SHISA9: variants seen among roughly 807,000 people sequenced by gnomAD.
The protein encoded by SHISA9 is protein shisa-9.
SHISA9 carries 13 observed loss-of-function variants against 38.0 expected under a neutral mutation model. The observed-to-expected ratio is 0.34, with a 90% confidence interval of 0.22 to 0.54. The LOEUF is 0.54. SHISA9 is among the 20% of genes least tolerant of loss of function. The pLI, the probability that SHISA9 is intolerant of heterozygous loss-of-function variation, is 0.91. For missense variants in SHISA9, 538 were observed against 575.8 expected (o/e 0.93, Z 0.67); for synonymous variants, 275 against 242.0 (o/e 1.14, Z -1.27).
At chr16:13,414,187 T>C in the SHISA9 span, among the ~76,000 whole-genome samples, 1 of 152,218 alleles carries the variant, frequency 6.6e-6, no homozygotes, top group East Asian at 1.9e-4. Context: ...TATCACCAGG[T>C]TCTTTTTTTA....
chr16:13,157,929 C>T (rs2050561502), intron 2 of SHISA9, among the ~76,000 whole-genome samples: 1 of 152,208 alleles, frequency 6.6e-6, no homozygotes, highest in Non-Finnish European at 1.5e-5. Context: ...TCAACACTCT[C>T]CTGCTTTGAC....
At chr16:13,172,020 A>G (rs1567234677) in intron 2 of SHISA9, among the ~76,000 whole-genome samples, 1 of 151,734 alleles carries the variant, frequency 6.6e-6, no homozygotes, top group Non-Finnish European at 1.5e-5. Context: ...ATACAAGGCA[A>G]TTTTCTTCCT....
At chr16:13,469,318 G>GAA in the SHISA9 span, among the ~76,000 whole-genome samples, 225 of 95,236 alleles carry the variant, frequency 2.4e-3, 7 homozygotes, top group African/African-American at 3.9e-3. Context: ...GAGAGAGAGA[G>GAA]AGAGAAAGAA....
the SHISA9 span, among the ~76,000 whole-genome samples, chr16:13,372,014 G>C: frequency 1.3e-5 from 2 of 152,180 alleles, no homozygotes; most frequent in Non-Finnish European, 2.9e-5. Flanking sequence ...CTCTGTTTCA[G>C]TTCCTCCAGA....
intron 2 of SHISA9, among the ~76,000 whole-genome samples, chr16:13,121,447 G>A (rs113185190): frequency 2.0e-5 from 3 of 152,114 alleles, no homozygotes; most frequent in Non-Finnish European, 4.4e-5. Flanking sequence ...AGGTATGATC[G>A]TGCCACTGTG....
the SHISA9 span, among the ~76,000 whole-genome samples, chr16:13,383,733 C>G: frequency 6.6e-6 from 1 of 152,164 alleles, no homozygotes; most frequent in East Asian, 1.9e-4. Flanking sequence ...TCACTGCAAC[C>G]TCCACCTCCC....
intron 2 of SHISA9, among the ~76,000 whole-genome samples, chr16:13,026,619 C>G (rs2072925163): frequency 6.6e-6 from 1 of 152,082 alleles, no homozygotes; most frequent in Admixed American, 6.5e-5. Context: ...TATGGTAGTT[C>G]TATGTTTAAT....
At chr16:13,288,713 C>T in the SHISA9 span, among the ~76,000 whole-genome samples, 1 of 152,090 alleles carries the variant, frequency 6.6e-6, no homozygotes, top group Non-Finnish European at 1.5e-5. Context: ...ATAGCTTGAA[C>T]CCAGGAGGCA....
the SHISA9 span, among the ~76,000 whole-genome samples, chr16:13,475,196 G>A: frequency 6.6e-6 from 1 of 152,032 alleles, no homozygotes; most frequent in African/African-American, 2.4e-5. Context: ...GTGTTTTGGA[G>A]GTGGAGTTCT....
intron 2 of SHISA9, among the ~76,000 whole-genome samples, chr16:12,921,120 A>G (rs1465014857): frequency 1.3e-5 from 2 of 152,240 alleles, no homozygotes; most frequent in Non-Finnish European, 2.9e-5. Flanking sequence ...AGACTTTCAT[A>G]TTCCATATAC....
At chr16:12,957,299 C>T (rs1207595974) in intron 2 of SHISA9, among the ~76,000 whole-genome samples, 1 of 152,154 alleles carries the variant, frequency 6.6e-6, no homozygotes, top group Admixed American at 6.6e-5. Context: ...TCTGCTTGGG[C>T]TGTGTCTTCA....
chr16:13,074,752 C>T (rs1342619299), intron 2 of SHISA9, among the ~76,000 whole-genome samples: 1 of 151,050 alleles, frequency 6.6e-6, no homozygotes, highest in Non-Finnish European at 1.5e-5. Flanking sequence ...GCAACCTCTG[C>T]CTCCCAGGTT....
Position 13,023,979 on chromosome 16 carries a change from C to T in SHISA9, c.691+107164C>T, listed in dbSNP as rs544056894. Among the ~76,000 whole-genome samples the T allele has an allele frequency of 3.3e-4, 50 of 152,302 alleles. No individual in the cohort carries two copies. The South Asian group carries it at 8.3e-3, about 25-fold the overall frequency. ...GTAGGATATGATTTACCACCTACAA[C>T]TCTGGGAACAGAGAGGCTGAGGAAC... On this transcript the variant is annotated intron_variant, in intron 2 of 4. Transcript: ENST00000558583.
chr16:13,558,911 T>C, the SHISA9 span, among the ~76,000 whole-genome samples: 1 of 152,330 alleles, frequency 6.6e-6, no homozygotes, highest in African/African-American at 2.4e-5. Context: ...TGAATGATTG[T>C]GAAAGTGTCA....
chr16:13,102,890 C>T (rs758284061), intron 2 of SHISA9, among the ~76,000 whole-genome samples: 1 of 152,196 alleles, frequency 6.6e-6, no homozygotes, highest in Non-Finnish European at 1.5e-5. Flanking sequence ...CACTCAACTT[C>T]CAGACTTTTC....
chr16:13,134,927 AAG>A (rs2050335585), intron 2 of SHISA9, among the ~76,000 whole-genome samples: 1 of 152,074 alleles, frequency 6.6e-6, no homozygotes, highest in South Asian at 2.1e-4. Flanking sequence ...GAGAGGGAAA[AAG>A]AGACCTGCAA....
At chr16:12,976,779 C>G (rs1186664782) in intron 2 of SHISA9, among the ~76,000 whole-genome samples, 1 of 152,056 alleles carries the variant, frequency 6.6e-6, no homozygotes, top group African/African-American at 2.4e-5. Flanking sequence ...TAGCCCTGCC[C>G]TAATTTCACC....
the SHISA9 span, among the ~76,000 whole-genome samples, chr16:13,467,499 G>A: frequency 6.6e-6 from 1 of 152,180 alleles, no homozygotes; most frequent in Non-Finnish European, 1.5e-5. Flanking sequence ...CTTGGACTGA[G>A]CCACACTATC....
chr16:12,917,527 T>C (rs2071273858), intron 2 of SHISA9, among the ~76,000 whole-genome samples: 1 of 152,196 alleles, frequency 6.6e-6, no homozygotes, highest in Non-Finnish European at 1.5e-5. Flanking sequence ...CTTGGTATAC[T>C]CCCAAAGATT....
Sources: gnomAD v4.1 joint callset for allele counts (sites outside exome capture counted in the v4.1 genomes callset) on GRCh38, gnomAD v4.1.1 for gene constraint, MANE v1.5 for transcripts, NCBI Gene and HGNC (gene_info 2026-07-23, HGNC 2026-07-21) for gene names.